Variants in BMP6 observed in about 807,000 individuals in gnomAD.
BMP6 encodes VG-1-R.
A neutral mutation model predicts 54.1 loss-of-function variants in BMP6; 17 were observed. That is an observed-to-expected ratio of 0.31 (90% CI 0.22 to 0.47). BMP6 has a LOEUF of 0.47. Ranked by LOEUF, BMP6 falls within the 20% of genes least tolerant of loss-of-function variation. BMP6 has a pLI of 1.00. For missense variants in BMP6, 720 were observed against 690.4 expected (o/e 1.04, Z -0.48); for synonymous variants, 328 against 291.2 (o/e 1.13, Z -1.28).
intron 4 of BMP6, 145 bp from the exon 5 acceptor site, chr6:7,878,929 G>A (rs1008061375): frequency 3.8e-6 from 3 of 779,372 alleles, no homozygotes; most frequent in African/African-American, 1.7e-5. Context: ...GGAACCTGAT[G>A]TAGCTGTTGG....
chr6:7,803,330 A>G (rs1398758318), intron 1 of BMP6, among the ~76,000 whole-genome samples: 1 of 152,068 alleles, frequency 6.6e-6, no homozygotes, highest in Non-Finnish European at 1.5e-5. Flanking sequence ...GTTTGGTCCA[A>G]CTCAAATCCA....
chr6:7,730,138 C>T (rs947250501), intron 1 of BMP6, among the ~76,000 whole-genome samples: 3 of 152,148 alleles, frequency 2.0e-5, no homozygotes, highest in South Asian at 2.1e-4. Flanking sequence ...TATTTAGTGA[C>T]CCTCCAAATT....
intron 1 of BMP6, among the ~76,000 whole-genome samples, chr6:7,808,953 C>T (rs1355947538): frequency 2.0e-5 from 3 of 149,370 alleles, no homozygotes; most frequent in Admixed American, 1.3e-4. Context: ...TGAACATTCA[C>T]CTACTCTGAT....
chr6:7,821,611 C>A (rs1758612723), intron 1 of BMP6, among the ~76,000 whole-genome samples: 1 of 152,160 alleles, frequency 6.6e-6, no homozygotes, highest in Admixed American at 6.5e-5. Context: ...GATCATGTCC[C>A]AGTTCTGCCC....
intron 1 of BMP6, among the ~76,000 whole-genome samples, chr6:7,793,837 C>T (rs1758148679): frequency 6.6e-6 from 1 of 152,186 alleles, no homozygotes; most frequent in Admixed American, 6.5e-5. Context: ...CACGGGCTGT[C>T]AGTCTTCTCA....
intron 1 of BMP6, among the ~76,000 whole-genome samples, chr6:7,736,900 G>A (rs1392239608): frequency 2.6e-5 from 4 of 152,112 alleles, no homozygotes; most frequent in Non-Finnish European, 5.9e-5. Flanking sequence ...TAAAAATGGG[G>A]AAGAGGGCCG....
rs541706772 is a variant in BMP6 at position 7,793,554 on chromosome 6, C to T, written c.665-51586C>T. Among the ~76,000 whole-genome samples, 60 of 151,770 alleles carry T rather than the reference C, an allele frequency of 4.0e-4. 1 individual carries two copies. The highest frequency in any genetic ancestry group is 1.5e-3 in the African/African-American group (60 of 41,342). Reference sequence around the variant, plus strand: ...ATAATGATGTGTCCGTGTAGGTCCACCGATGATAACTAATGTACCACTTTG... The same window carrying T: ...ATAATGATGTGTCCGTGTAGGTCCATCGATGATAACTAATGTACCACTTTG... On this transcript the variant is annotated intron_variant, in intron 1 of 6. Coordinates refer to ENST00000283147, the MANE Select transcript of BMP6 (RefSeq NM_001718.6).
intron 1 of BMP6, among the ~76,000 whole-genome samples, chr6:7,825,730 AAAAC>A (rs1213917594): frequency 2.0e-5 from 3 of 148,674 alleles, no homozygotes; most frequent in African/African-American, 5.0e-5. Context: ...CGAAAAAAAA[AAAAC>A]AAAAACCAAA....
intron 1 of BMP6, among the ~76,000 whole-genome samples, chr6:7,773,895 T>C (rs1757824762): frequency 6.6e-6 from 1 of 152,196 alleles, no homozygotes; most frequent in African/African-American, 2.4e-5. Context: ...CCTAGGCTGT[T>C]TGGAGTTTTT....
At chr6:7,753,288 C>T (rs971566048) in intron 1 of BMP6, among the ~76,000 whole-genome samples, 1 of 152,072 alleles carries the variant, frequency 6.6e-6, no homozygotes, top group East Asian at 1.9e-4. Context: ...AGAGAGTGCA[C>T]AAGAGGAAAT....
chr6:7,869,836 G>A (rs536698878), intron 4 of BMP6, among the ~76,000 whole-genome samples: 2 of 152,336 alleles, frequency 1.3e-5, no homozygotes, highest in South Asian at 4.1e-4. Flanking sequence ...AGCAGAGCCT[G>A]TGTGGAACGT....
intron 4 of BMP6, among the ~76,000 whole-genome samples, chr6:7,864,192 G>T (rs1271443575): frequency 2.0e-5 from 3 of 152,038 alleles, no homozygotes; most frequent in African/African-American, 7.2e-5. Context: ...CAAATTCTGG[G>T]GTCCTTTGGC....
At chr6:7,748,452 A>G (rs1452260820) in intron 1 of BMP6, among the ~76,000 whole-genome samples, 1 of 152,216 alleles carries the variant, frequency 6.6e-6, no homozygotes, top group Admixed American at 6.5e-5. Flanking sequence ...AAACTGGAAC[A>G]GTTTAGGCAG....
At chr6:7,750,736 TA>T (rs1466141046) in intron 1 of BMP6, among the ~76,000 whole-genome samples, 3 of 152,232 alleles carry the variant, frequency 2.0e-5, no homozygotes, top group African/African-American at 7.2e-5. Context: ...TTGAAAGATT[TA>T]AAATGGCAAG....
chr6:7,871,205 A>T (rs2113288580), intron 4 of BMP6, among the ~76,000 whole-genome samples: 1 of 152,248 alleles, frequency 6.6e-6, no homozygotes, highest in African/African-American at 2.4e-5. Context: ...TCCACTTAAA[A>T]CCCATGTTCA....
intron 1 of BMP6, among the ~76,000 whole-genome samples, chr6:7,754,261 G>A (rs1426015692): frequency 6.6e-6 from 1 of 152,038 alleles, no homozygotes; most frequent in Non-Finnish European, 1.5e-5. Flanking sequence ...GGGACTACAG[G>A]CACGTGCCAC....
At chr6:7,753,426 C>A (rs1190128405) in intron 1 of BMP6, among the ~76,000 whole-genome samples, 2 of 152,210 alleles carry the variant, frequency 1.3e-5, no homozygotes, top group African/African-American at 4.8e-5. Flanking sequence ...AATGCAGCAT[C>A]CCAGGCACCT....
intron 1 of BMP6, among the ~76,000 whole-genome samples, chr6:7,783,049 GAT>G (rs1757970805): frequency 6.6e-6 from 1 of 152,188 alleles, no homozygotes; most frequent in Non-Finnish European, 1.5e-5. Context: ...AAAAATAAGA[GAT>G]AGGGAAATGC....
chr6:7,761,747 T>A (rs76022840), intron 1 of BMP6, among the ~76,000 whole-genome samples: 3 of 152,334 alleles, frequency 2.0e-5, no homozygotes, highest in Non-Finnish European at 4.4e-5. Context: ...CAGAGTAGAC[T>A]TAGAGACTCC....
Sources: gnomAD v4.1 joint callset for allele counts (sites outside exome capture counted in the v4.1 genomes callset) on GRCh38, gnomAD v4.1.1 for gene constraint, MANE v1.5 for transcripts, NCBI Gene and HGNC (gene_info 2026-07-23, HGNC 2026-07-21) for gene names.